The following UBR4 variants were observed in gnomAD, a reference collection of about 807,000 sequenced individuals.
UBR4 encodes the protein E3 ubiquitin-protein ligase UBR4.
Under a neutral mutation model 575.6 loss-of-function variants are expected in UBR4, and 124 were observed. The observed-to-expected ratio is 0.22, with a 90% CI of 0.19 to 0.25. The LOEUF is 0.25. Among genes scored for constraint, UBR4 ranks in the 10% least tolerant of loss-of-function variants. The pLI is 1.00. For missense variants in UBR4, 4,818 were observed against 6,478.8 expected (o/e 0.74, Z 8.80); for synonymous variants, 2,455 against 2,473.7 (o/e 0.99, Z 0.22).
chr1:19,210,134 C>A lies in UBR4; in HGVS notation c.115G>T (p.Ala39Ser). The A allele has an allele frequency of 6.3e-7, 1 of 1,585,706 alleles. No homozygotes were observed. Among genetic ancestry groups the A allele is most frequent in the Non-Finnish European group, 8.6e-7 (1 of 1,168,868 alleles). Residue 39 changes from alanine to serine, a missense_variant, in exon 1 of 106, where the codon GCG (alanine) becomes TCG (serine). This residue lies in a region of UBR4 where 95 missense variants were observed against 87.7 expected (regional missense o/e 1.08). Transcript: ENST00000375254. ...TTCATCTCGAAGGCGGAGTAGGACG[C>A]GGACAGCAGGGGCCGCACAGCCACC... ...WEVAVRPLLS[A>S]SYSAFEMKEL... is the part of the protein sequence containing the mutation.
At chr1:19,113,009 C>G (rs2080070884) in intron 77 of UBR4, 142 bp from the exon 78 acceptor site, 4 of 829,270 alleles carry the variant, frequency 4.8e-6, no homozygotes, top group Non-Finnish European at 7.2e-6. Flanking sequence ...TGGTTAGATG[C>G]TTTATCTCCA....
In UBR4 at chr1:19,198,878, T is replaced by C. The variant is rs1183214801; in HGVS notation, c.429A>G (p.Leu143=). The change falls in exon 4 of 106, where the codon CTA becomes CTG. Residue 143 remains leucine (L), a synonymous_variant. Transcript: ENST00000375254. ...IKGLCTGCSR[L]DRTEIITFTA... The stretch of plus-strand genomic sequence containing the variant: ...TAAATGTGATAATTTCAGTTCTATC[T>C]AGTCGGCTACAGCCAGTGCACAGGC... 9 of 1,614,110 alleles carry C rather than the reference T, an allele frequency of 5.6e-6. No individual in the cohort carries two copies. The highest frequency in any genetic ancestry group is 7.6e-6 in the Non-Finnish European group (9 of 1,180,044).
intron 54 of UBR4, 62 bp downstream of exon 54, chr1:19,144,722 TAA>T: frequency 6.4e-7 from 1 of 1,567,164 alleles, no homozygotes; most frequent in Non-Finnish European, 8.7e-7. Flanking sequence ...CTTAGCAAGC[TAA>T]AAACAATTTT....
chr1:19,161,286 A>T, intron 37 of UBR4, 139 bp from the exon 38 acceptor site: 1 of 830,600 alleles, frequency 1.2e-6, no homozygotes, highest in South Asian at 1.7e-5. Flanking sequence ...CTAAATTCTG[A>T]TCTTCATAGT....
rs762365179 is a variant in UBR4, at chr1:19,112,548, C to G, written c.11777G>C (p.Arg3926Pro). The change falls in exon 78 of 106, where the codon CGC (arginine) becomes CCC (proline). Residue 3926 changes from arginine to proline, a missense_variant. Physicochemically the swap from Arg to Pro is moderately radical, Grantham distance 103. Transcript: ENST00000375254. ...RGAAAMREEV[R>P]QLMCLLTRDN... is the part of the protein sequence containing the mutation. Reference sequence around the variant, plus strand: ...CCGAGTTAGGAGGCACATGAGCTGGCGGACCTCCTCCCGCATGGCCGCAGC... The same window carrying G: ...CCGAGTTAGGAGGCACATGAGCTGGGGGACCTCCTCCCGCATGGCCGCAGC... 1 of 1,612,364 alleles carries G rather than the reference C, an allele frequency of 6.2e-7. No individual in the cohort carries two copies. The highest frequency in any genetic ancestry group is 8.5e-7 in the Non-Finnish European group (1 of 1,179,042).
chr1:19,137,521 T>G (rs1040924448), intron 60 of UBR4, among the ~76,000 whole-genome samples: 1 of 152,156 alleles, frequency 6.6e-6, no homozygotes, highest in Non-Finnish European at 1.5e-5. Flanking sequence ...TTCAAAATGC[T>G]CCACCACTGG....
Position 19,185,107 on chromosome 1 carries a change from G to A in UBR4, c.1930C>T (p.Pro644Ser). Residue 644 changes from proline to serine, a missense_variant, in exon 15 of 106, where the codon CCT (proline) becomes TCT (serine). Around this residue, in one of 29 missense-constraint regions of UBR4, gnomAD observed 1,172 missense variants for 1,259.7 expected, o/e 0.93. Coordinates refer to ENST00000375254, the MANE Select transcript of UBR4 (RefSeq NM_020765.3). ...KGNILASRKD[P>S]ELFLGLASNI... The stretch of plus-strand genomic sequence containing the variant: ...TAGAAACCTACTCTTACCAACTCAG[G>A]ATCTTTGCGACTCGCCAGAATGTTG... 6.2e-7 allele frequency: 1 copy of A among 1,614,112 alleles called. No homozygotes were observed. Among genetic ancestry groups the A allele is most frequent in the Non-Finnish European group, 8.5e-7 (1 of 1,180,016 alleles).
At position 19,092,927 on chromosome 1, in the gene UBR4, C is replaced by T. The variant is rs768951266; in HGVS notation, c.14112-9G>A. ...AGATGTCGGCATCCAAACTGCAAAG[C>T]AAAGGAAGGCTTATTAGCAGGCCAG... is the stretch of plus-strand genomic sequence containing the variant. On this transcript the variant is annotated splice_polypyrimidine_tract_variant and intron_variant, in intron 96 of 105. Coordinates refer to ENST00000375254, the MANE Select transcript of UBR4 (RefSeq NM_020765.3). 1 of 1,611,522 alleles carries T rather than the reference C, an allele frequency of 6.2e-7. No homozygotes were observed. Among genetic ancestry groups the T allele is most frequent in the South Asian group, 1.1e-5 (1 of 90,276 alleles).
intron 11 of UBR4, among the ~76,000 whole-genome samples, chr1:19,188,091 C>A (rs1433075094): frequency 6.6e-6 from 1 of 150,974 alleles, no homozygotes; most frequent in Non-Finnish European, 1.5e-5. Flanking sequence ...ATAGAAGAAA[C>A]TCCCAAATGG....
intron 58 of UBR4, among the ~76,000 whole-genome samples, 176 bp downstream of exon 58, chr1:19,140,612 C>T (rs1409991391): frequency 2.0e-5 from 3 of 152,200 alleles, no homozygotes; most frequent in African/African-American, 7.2e-5. Context: ...GAGCTGTGCG[C>T]GGCGGGGCCG....
rs544067081 is a variant in UBR4, at chr1:19,183,673, G to C, written c.2184+138C>G. 6.0e-3 allele frequency: 4,918 copies of C among 816,102 alleles called. 28 individuals are homozygous for C. The highest frequency in any genetic ancestry group is 8.8e-3 in the Non-Finnish European group (4,498 of 508,710). The allele number at this position is 816,102 out of a possible 1,614,324, so 50.6% of individuals were successfully genotyped here. A position where few individuals can be genotyped will look rare whatever the true frequency, so the allele number is the denominator to read the frequency against. Reference sequence around the variant, plus strand: ...GGAGGTGGAGGTTGCAGTGAGCCAAGACCGTGTCACTGCACTCCAGCCTGG... The same window carrying C: ...GGAGGTGGAGGTTGCAGTGAGCCAACACCGTGTCACTGCACTCCAGCCTGG... On this transcript the variant is annotated intron_variant, in intron 17 of 105. Transcript: ENST00000375254.
chr1:19,198,332 A>C (rs1288943300), intron 5 of UBR4, among the ~76,000 whole-genome samples: 4 of 152,246 alleles, frequency 2.6e-5, no homozygotes, highest in Non-Finnish European at 5.9e-5. Context: ...AGAAGCCTAG[A>C]ATGGTCGTCA....
intron 85 of UBR4, 57 bp from the exon 86 acceptor site, chr1:19,104,723 C>T: frequency 1.3e-6 from 2 of 1,553,632 alleles, no homozygotes; most frequent in Non-Finnish European, 1.8e-6. Flanking sequence ...TACCAGTTAC[C>T]TCCACCACTG....
chr1:19,133,138 T>G (rs1346827809), intron 60 of UBR4, among the ~76,000 whole-genome samples: 1 of 152,114 alleles, frequency 6.6e-6, no homozygotes, highest in Non-Finnish European at 1.5e-5. Flanking sequence ...TACCAATCCC[T>G]GACAAAGACA....
intron 17 of UBR4, among the ~76,000 whole-genome samples, chr1:19,182,276 T>C (rs2091047097): frequency 1.3e-5 from 2 of 152,208 alleles, no homozygotes; most frequent in Admixed American, 1.3e-4. Context: ...GATAAACACC[T>C]GTTCAAGCCC....
In UBR4 at chr1:19,093,837, C is replaced by A. The variant is rs1413824605; in HGVS notation, c.13937+112G>T. ...AGACTGAGCTCCTTAAAAGCCAGAACGAGGACACAAAAATCTAATAGGTAT... is the reference window on the plus strand; with the variant it reads ...AGACTGAGCTCCTTAAAAGCCAGAAAGAGGACACAAAAATCTAATAGGTAT... On this transcript the variant is annotated intron_variant, in intron 95 of 105. Transcript: ENST00000375254. This position sits in a 1 kb window ranked among gnomAD's most constrained non-coding sequence, Gnocchi z 4.8. 2.1e-5 allele frequency: 26 copies of A among 1,262,868 alleles called. No homozygotes were observed. Among genetic ancestry groups the A allele is most frequent in the Non-Finnish European group, 2.8e-5 (26 of 922,480 alleles). The allele number at this position is 1,262,868 out of a possible 1,614,324, so 78.2% of individuals were successfully genotyped here.
chr1:19,183,797 C>T lies in UBR4; in HGVS notation c.2184+14G>A. On this transcript the variant is annotated intron_variant, in intron 17 of 105. Coordinates refer to ENST00000375254, the MANE Select transcript of UBR4 (RefSeq NM_020765.3). ...TCATGAGCTCTTGCCTAGATGGTCA[C>T]AGCACACACAAACCTGCAGGTTAGG... 1 of 1,613,552 alleles carries T rather than the reference C, an allele frequency of 6.2e-7. No homozygotes were observed. Among genetic ancestry groups the T allele is most frequent in the Non-Finnish European group, 8.5e-7 (1 of 1,179,568 alleles).
rs891423790 is a variant in UBR4, at chr1:19,088,189, C to G, written c.14431-260G>C. On this transcript the variant is annotated intron_variant, in intron 98 of 105. Coordinates refer to ENST00000375254, the MANE Select transcript of UBR4 (RefSeq NM_020765.3). This position sits in a 1 kb window ranked among gnomAD's most constrained non-coding sequence, Gnocchi z 4.0. ...AGGTGCCACCTGCCATCAGAAAAGC[C>G]CCCTTTCTTCATGCCAGCATCTTCG... Among the ~76,000 whole-genome samples the G allele has an allele frequency of 3.9e-5, 6 of 152,330 alleles. No individual in the cohort carries two copies. In the South Asian group the frequency reaches 1.2e-3, roughly 32 times the overall value.
intron 57 of UBR4, 41 bp from the exon 58 acceptor site, chr1:19,140,933 G>A: frequency 6.4e-7 from 1 of 1,561,436 alleles, no homozygotes; most frequent in Middle Eastern, 1.8e-4. Flanking sequence ...TCCCCTCCAG[G>A]TCCCATCCAC....
Sources: gnomAD v4.1 joint callset for allele counts (sites outside exome capture counted in the v4.1 genomes callset) on GRCh38, gnomAD v4.1.1 for gene constraint, gnomAD v4.1.1 regional missense constraint, Gnocchi (gnomAD v3.1) non-coding constraint, MANE v1.5 for transcripts, NCBI Gene and HGNC (gene_info 2026-07-23, HGNC 2026-07-21) for gene names.